MAP10: variants seen among roughly 807,000 people sequenced by gnomAD.
The protein encoded by MAP10 is microtubule-associated protein 10.
MAP10 carries 10 observed loss-of-function variants against 6.3 expected under a neutral mutation model. That is an observed-to-expected ratio of 1.58 (90% CI 0.98 to 2.69). The LOEUF (loss-of-function observed/expected upper bound fraction) is 2.69, where lower values mean the gene tolerates loss of function less well. Ranked by LOEUF, MAP10 falls within the 30% of genes most tolerant of loss-of-function variation. The pLI, the probability that MAP10 is intolerant of heterozygous loss-of-function variation, is 0.00. For missense variants in MAP10, 1,189 were observed against 1,086.5 expected, an observed-to-expected ratio of 1.09 and a Z score of -1.33; for synonymous variants, 459 against 429.3, an observed-to-expected ratio of 1.07 and a Z score of -0.86.
Position 232,809,665 on chromosome 1 carries a change from A to G in MAP10, c.*1498A>G, listed in dbSNP as rs1369237963. On this transcript the variant is annotated 3_prime_UTR_variant, in exon 1 of 1. Coordinates refer to ENST00000418460, the MANE Select transcript of MAP10 (RefSeq NM_019090.3). ...ATGAGCACTAGTAAGTAGTCATGAC[A>G]TTTTGAATATTTTAAATTATTGAAA... Among the ~76,000 whole-genome samples, 2 of 152,074 alleles carry G rather than the reference A, an allele frequency of 1.3e-5. No individual in the cohort carries two copies. Among genetic ancestry groups the G allele is most frequent in the Non-Finnish European group, 2.9e-5 (2 of 67,926 alleles).
Position 232,807,636 on chromosome 1 carries a change from T to G in MAP10, c.2187T>G (p.Ser729Arg), listed in dbSNP as rs372304421. ...TSRSFKAHDSSSRTENPKHSQ... is the reference protein window; with the variant it reads ...TSRSFKAHDSRSRTENPKHSQ... ...GAAGTTTCAAAGCTCATGATAGCAG[T>G]TCAAGGACAGAAAATCCAAAACATA... The change falls in exon 1 of 1, where the codon AGT (serine) becomes AGG (arginine). Residue 729 changes from serine (S) to arginine (R), a missense_variant. Coordinates refer to ENST00000418460, the MANE Select transcript of MAP10 (RefSeq NM_019090.3). 1.1e-5 allele frequency: 17 copies of G among 1,610,294 alleles called. No individual in the cohort carries two copies. The highest frequency in any genetic ancestry group is 1.4e-5 in the Non-Finnish European group (16 of 1,178,096).
In MAP10 at chr1:232,806,509, C is replaced by T. The variant is rs1289764478; in HGVS notation, c.1060C>T (p.His354Tyr). ...NPPAHRSCLK[H>Y]PSSAAHEHPP... is the part of the protein sequence containing the mutation. ...CCCAGCACACAGGAGTTGTCTAAAG[C>T]ATCCAAGTTCTGCAGCACACGAACA... is the stretch of plus-strand genomic sequence containing the variant. The change falls in exon 1 of 1, where the codon CAT (histidine) becomes TAT (tyrosine). Residue 354 changes from histidine to tyrosine, a missense_variant. Coordinates refer to ENST00000418460, the MANE Select transcript of MAP10 (RefSeq NM_019090.3). The T allele has an allele frequency of 3.1e-6, 5 of 1,613,914 alleles. 1 individual carries two copies. The East Asian group carries it at 8.9e-5, about 29-fold the overall frequency.
In MAP10 at chr1:232,807,032, A is replaced by G. The variant is rs1666117908; in HGVS notation, c.1583A>G (p.Gln528Arg). Reference protein sequence around the residue: ...HEKRELYRKRQSQMLGTKFRI... With the variant: ...HEKRELYRKRRSQMLGTKFRI... ...AAAAGAGAACTATATAGAAAAAGAC[A>G]ATCACAAATGTTGGGTACAAAATTC... Residue 528 changes from glutamine to arginine, a missense_variant, in exon 1 of 1, where the codon CAA (glutamine) becomes CGA (arginine). Transcript: ENST00000418460. The G allele has an allele frequency of 1.2e-6, 2 of 1,613,106 alleles. No individual in the cohort carries two copies. The highest frequency in any genetic ancestry group is 1.1e-5 in the South Asian group (1 of 90,824).
chr1:232,806,323 T>G lies in MAP10; in HGVS notation c.874T>G (p.Leu292Val). Residue 292 changes from leucine (L) to valine (V), a missense_variant, in exon 1 of 1, where the codon TTG becomes GTG. By Grantham distance (32) the Leu-to-Val change is conservative (BLOSUM62 1). Transcript: ENST00000418460. ...CTCCCTAAATGAGGAAGTCACAGAATTGGACATGGAGACCAATATATTTTG... is the reference window on the plus strand; with the variant it reads ...CTCCCTAAATGAGGAAGTCACAGAAGTGGACATGGAGACCAATATATTTTG... Reference protein sequence around the residue: ...VSSLNEEVTELDMETNIFCPP... With the variant: ...VSSLNEEVTEVDMETNIFCPP... 1 of 1,613,976 alleles carries G rather than the reference T, an allele frequency of 6.2e-7. No individual in the cohort carries two copies. Among genetic ancestry groups the G allele is most frequent in the Non-Finnish European group, 8.5e-7 (1 of 1,179,898 alleles).
At position 232,808,172 on chromosome 1, in the gene MAP10, A is replaced by T; in HGVS notation, c.*5A>T. ...CTTCCAGGATACACAATGTAAAAAT[A>T]CATGCTTTTAAAAAACTTTCAAGGA... On this transcript the variant is annotated 3_prime_UTR_variant, in exon 1 of 1. Transcript: ENST00000418460. The T allele has an allele frequency of 6.6e-7, 1 of 1,526,710 alleles. No homozygotes were observed. Among genetic ancestry groups the T allele is most frequent in the Non-Finnish European group, 8.8e-7 (1 of 1,134,382 alleles). 94.6% of individuals were successfully genotyped at this position (1,526,710 alleles called of 1,614,324 possible). A position where few individuals can be genotyped will look rare whatever the true frequency, so the allele number is the denominator to read the frequency against.
rs1666102012 is a variant in MAP10 at position 232,806,330 on chromosome 1, T to C, written c.881T>C (p.Met294Thr). 2.5e-6 allele frequency: 4 copies of C among 1,613,832 alleles called. No individual in the cohort carries two copies. Among genetic ancestry groups the C allele is most frequent in the African/African-American group, 2.7e-5 (2 of 74,912 alleles). Reference sequence around the variant, plus strand: ...AATGAGGAAGTCACAGAATTGGACATGGAGACCAATATATTTTGCCCTCCT... The same window carrying C: ...AATGAGGAAGTCACAGAATTGGACACGGAGACCAATATATTTTGCCCTCCT... ...SLNEEVTELD[M>T]ETNIFCPPPL... is the part of the protein sequence containing the mutation. Residue 294 changes from methionine (M) to threonine (T), a missense_variant, in exon 1 of 1, where the codon ATG (methionine) becomes ACG (threonine). Met to Thr is a moderately conservative substitution (Grantham distance 81). Coordinates refer to ENST00000418460, the MANE Select transcript of MAP10 (RefSeq NM_019090.3).
In MAP10 at chr1:232,806,542, A is replaced by G. The variant is rs1313478666; in HGVS notation, c.1093A>G (p.Met365Val). 5.6e-6 allele frequency: 9 copies of G among 1,613,850 alleles called. No individual in the cohort carries two copies. The highest frequency in any genetic ancestry group is 7.6e-6 in the Non-Finnish European group (9 of 1,179,880). Reference sequence around the variant, plus strand: ...TTCTGCAGCACACGAACATCCTCCAATGCTTGTAAATCCTCCACATATTCA... The same window carrying G: ...TTCTGCAGCACACGAACATCCTCCAGTGCTTGTAAATCCTCCACATATTCA... ...PSSAAHEHPP[M>V]LVNPPHIQNI... is the part of the protein sequence containing the mutation. Residue 365 changes from methionine to valine, a missense_variant, in exon 1 of 1, where the codon ATG (methionine) becomes GTG (valine). Coordinates refer to ENST00000418460, the MANE Select transcript of MAP10 (RefSeq NM_019090.3).
chr1:232,805,628 G>T lies in MAP10; in HGVS notation c.179G>T (p.Arg60Leu), dbSNP rs1224188933. 1.3e-6 allele frequency: 2 copies of T among 1,573,482 alleles called. No homozygotes were observed. The highest frequency in any genetic ancestry group is 2.7e-5 in the African/African-American group (2 of 73,910). Residue 60 changes from arginine to leucine, a missense_variant, in exon 1 of 1, where the codon CGC (arginine) becomes CTC (leucine). By Grantham distance (102) the Arg-to-Leu change is moderately radical. Transcript: ENST00000418460. ...GGTCTGTGCCCCGCCGTGGCCTTCC[G>T]CCTGCTGGACTTCCCCACGCTGTTG... ...PRGLCPAVAF[R>L]LLDFPTLLVY...
Position 232,807,473 on chromosome 1 carries a change from A to G in MAP10, c.2024A>G (p.Asp675Gly), listed in dbSNP as rs80140823. ...AGACAGGTCAAAACCACAGATAATG[A>G]CATTCTTATGGCTGATATAAGTGAC... ...DIRQVKTTDN[D>G]ILMADISDKR... Residue 675 changes from aspartate (D) to glycine (G), a missense_variant, in exon 1 of 1, where the codon GAC becomes GGC. Coordinates refer to ENST00000418460, the MANE Select transcript of MAP10 (RefSeq NM_019090.3). 9.9e-4 allele frequency: 1,593 copies of G among 1,613,828 alleles called. 25 individuals are homozygous for G. In the East Asian group the frequency reaches 0.029, roughly 29 times the overall value.
chr1:232,808,243 C>A lies in MAP10; in HGVS notation c.*76C>A. On this transcript the variant is annotated 3_prime_UTR_variant, in exon 1 of 1. Coordinates refer to ENST00000418460, the MANE Select transcript of MAP10 (RefSeq NM_019090.3). ...AAAAAATTTTAAAGCTGTTTTAGTT[C>A]ATGAATTATGTGAATAATTTTTTAA... 1 of 853,634 alleles carries A rather than the reference C, an allele frequency of 1.2e-6. No individual in the cohort carries two copies. 52.9% of individuals were successfully genotyped at this position (853,634 alleles called of 1,614,324 possible). A position where few individuals can be genotyped will look rare whatever the true frequency, so the allele number is the denominator to read the frequency against.
rs963415682 is a variant in MAP10, at chr1:232,807,811, T to G, written c.2362T>G (p.Leu788Val). The change falls in exon 1 of 1, where the codon TTG (leucine) becomes GTG (valine). Residue 788 changes from leucine to valine, a missense_variant. Leu to Val is a conservative substitution (Grantham distance 32, BLOSUM62 1). Transcript: ENST00000418460. ...TATTTCAAAGACTCAGGATAAAAGT[T>G]TGGAGGAAGCATCTAGTATCTCTGC... ...FHISKTQDKSLEEASSISASD... is the reference protein window; with the variant it reads ...FHISKTQDKSVEEASSISASD... 1 of 1,613,406 alleles carries G rather than the reference T, an allele frequency of 6.2e-7. No individual in the cohort carries two copies. Among genetic ancestry groups the G allele is most frequent in the Non-Finnish European group, 8.5e-7 (1 of 1,179,726 alleles).
At position 232,807,641 on chromosome 1, in the gene MAP10, G is replaced by A; in HGVS notation, c.2192G>A (p.Arg731Lys). The change falls in exon 1 of 1, where the codon AGG (arginine) becomes AAG (lysine). Residue 731 changes from arginine (R) to lysine (K), a missense_variant. Transcript: ENST00000418460. ...RSFKAHDSSS[R>K]TENPKHSQYT... is the part of the protein sequence containing the mutation. Reference sequence around the variant, plus strand: ...TTCAAAGCTCATGATAGCAGTTCAAGGACAGAAAATCCAAAACATAGTCAA... The same window carrying A: ...TTCAAAGCTCATGATAGCAGTTCAAAGACAGAAAATCCAAAACATAGTCAA... 6.2e-7 allele frequency: 1 copy of A among 1,610,416 alleles called. No individual in the cohort carries two copies. The highest frequency in any genetic ancestry group is 8.5e-7 in the Non-Finnish European group (1 of 1,178,130).
At position 232,805,965 on chromosome 1, in the gene MAP10, T is replaced by C; in HGVS notation, c.516T>C (p.Thr172=). The C allele has an allele frequency of 3.1e-6, 5 of 1,613,280 alleles. No homozygotes were observed. The highest frequency in any genetic ancestry group is 4.2e-6 in the Non-Finnish European group (5 of 1,179,804). ...TGCATAATCGAGTGGGCGAGCGGACTGGGGACATTGCACTGGCCTACCGCC... is the reference window on the plus strand; with the variant it reads ...TGCATAATCGAGTGGGCGAGCGGACCGGGGACATTGCACTGGCCTACCGCC... ...FPLHNRVGER[T]GDIALAYRLT... is the part of the protein sequence containing the mutation. The change falls in exon 1 of 1, where the codon ACT becomes ACC. Residue 172 remains threonine, a synonymous_variant. Transcript: ENST00000418460.
rs751312815 is a variant in MAP10, at chr1:232,807,205, C to T, written c.1756C>T (p.Pro586Ser). 1.9e-6 allele frequency: 3 copies of T among 1,613,402 alleles called. No homozygotes were observed. Among genetic ancestry groups the T allele is most frequent in the Non-Finnish European group, 1.7e-6 (2 of 1,179,666 alleles). The change falls in exon 1 of 1, where the codon CCC becomes TCC. Residue 586 changes from proline to serine, a missense_variant. Coordinates refer to ENST00000418460, the MANE Select transcript of MAP10 (RefSeq NM_019090.3). Reference protein sequence around the residue: ...SRQISGVFDEPSTSKETKLKY... With the variant: ...SRQISGVFDESSTSKETKLKY... The stretch of plus-strand genomic sequence containing the variant: ...ACAAATCAGTGGAGTTTTTGATGAG[C>T]CCAGCACAAGTAAAGAAACTAAACT...
rs1415879843 is a variant in MAP10 at position 232,806,056 on chromosome 1, G to A, written c.607G>A (p.Gly203Arg). The stretch of plus-strand genomic sequence containing the variant: ...GCCCCTCACCTTCACCCGCACAGGA[G>A]GAGGAGCGGAGGTCAGTCCCCAAAC... ...ERPLTFTRTG[G>R]GAEVSPQTQQ... The change falls in exon 1 of 1, where the codon GGA becomes AGA. Residue 203 changes from glycine (G) to arginine (R), a missense_variant. Gly to Arg is a moderately radical substitution (Grantham distance 125, BLOSUM62 -2). Coordinates refer to ENST00000418460, the MANE Select transcript of MAP10 (RefSeq NM_019090.3). 5.6e-6 allele frequency: 9 copies of A among 1,613,908 alleles called. No homozygotes were observed. The highest frequency in any genetic ancestry group is 3.3e-5 in the Admixed American group (2 of 60,002).
Position 232,805,728 on chromosome 1 carries a change from G to C in MAP10, c.279G>C (p.Lys93Asn), listed in dbSNP as rs1335795096. 1 of 1,604,520 alleles carries C rather than the reference G, an allele frequency of 6.2e-7. No homozygotes were observed. Among genetic ancestry groups the C allele is most frequent in the Non-Finnish European group, 8.5e-7 (1 of 1,179,280 alleles). ...GTGTCATCCGCTTCGGTCGCGGCAA[G>C]TCCTGCCTCTTCCGCCTGCAGCCTG... Reference protein sequence around the residue: ...WPGVIRFGRGKSCLFRLQPAT... With the variant: ...WPGVIRFGRGNSCLFRLQPAT... Residue 93 changes from lysine (K) to asparagine (N), a missense_variant, in exon 1 of 1, where the codon AAG becomes AAC. Coordinates refer to ENST00000418460, the MANE Select transcript of MAP10 (RefSeq NM_019090.3).
rs765784275 is a variant in MAP10, at chr1:232,807,968, T to C, written c.2519T>C (p.Leu840Ser). The C allele has an allele frequency of 3.1e-6, 5 of 1,612,654 alleles. No individual in the cohort carries two copies. In the East Asian group the frequency reaches 8.9e-5, roughly 29 times the overall value. The change falls in exon 1 of 1, where the codon TTA becomes TCA. Residue 840 changes from leucine to serine, a missense_variant. Transcript: ENST00000418460. ...AAAACAAGAAGTAGTTGGAAATCTT[T>C]AGAAAAAAGCCAGTCACCACAAACA... is the stretch of plus-strand genomic sequence containing the variant. Reference protein sequence around the residue: ...SVKTRSSWKSLEKSQSPQTSQ... With the variant: ...SVKTRSSWKSSEKSQSPQTSQ...
rs774002444 is a variant in MAP10 at position 232,806,474 on chromosome 1, G to T, written c.1025G>T (p.Arg342Leu). The change falls in exon 1 of 1, where the codon CGT becomes CTT. Residue 342 changes from arginine (R) to leucine (L), a missense_variant. Arg to Leu is a moderately radical substitution (Grantham distance 102). Transcript: ENST00000418460. ...GATGATGCTTCTCCTGAAAAAAAGC[G>T]TGTAAATCCCCCAGCACACAGGAGT... ...EMDDASPEKK[R>L]VNPPAHRSCL... 4.6e-5 allele frequency: 74 copies of T among 1,613,760 alleles called. No homozygotes were observed. The highest frequency in any genetic ancestry group is 6.0e-5 in the Non-Finnish European group (71 of 1,179,898).
chr1:232,807,590 G>A lies in MAP10; in HGVS notation c.2141G>A (p.Cys714Tyr). The change falls in exon 1 of 1, where the codon TGT (cysteine) becomes TAT (tyrosine). Residue 714 changes from cysteine to tyrosine, a missense_variant. Coordinates refer to ENST00000418460, the MANE Select transcript of MAP10 (RefSeq NM_019090.3). The stretch of plus-strand genomic sequence containing the variant: ...AGCCCTTGCTATTCTGAAGATTTCT[G>A]TACCAGTGAGGACACCAGCAGAAGT... ...LSSPCYSEDF[C>Y]TSEDTSRSFK... 6.2e-7 allele frequency: 1 copy of A among 1,610,466 alleles called. No homozygotes were observed. Among genetic ancestry groups the A allele is most frequent in the Non-Finnish European group, 8.5e-7 (1 of 1,178,036 alleles).
Sources: allele counts gnomAD v4.1 joint callset (sites outside exome capture counted in the v4.1 genomes callset), GRCh38; gene constraint gnomAD v4.1.1; transcripts MANE v1.5; gene names NCBI Gene and HGNC (gene_info 2026-07-23, HGNC 2026-07-21).